The following ENC1 variants were observed in gnomAD, a reference collection of about 807,000 sequenced individuals.
The protein encoded by ENC1 is ectoderm-neural cortex protein 1.
Under a neutral mutation model 40.9 loss-of-function variants are expected in ENC1, and 19 were observed. That is an observed-to-expected ratio of 0.46 (90% CI 0.32 to 0.68). ENC1 has a LOEUF of 0.68. ENC1 is among the 30% of genes least tolerant of loss of function. The probability of loss-of-function intolerance (pLI) is 0.03; values close to 1 mark genes in which losing one functional copy is unlikely to be tolerated. For synonymous variants in ENC1, 285 were observed against 291.1 expected, an observed-to-expected ratio of 0.98 and a Z score of 0.21; for missense variants, 479 against 737.5, an observed-to-expected ratio of 0.65 and a Z score of 4.06.
chr5:74,636,635 A>T lies in ENC1; in HGVS notation c.-13-137T>A. Reference sequence around the variant, plus strand: ...GCCACCTACTATTCTAGAATAGTGTATGGCCATTCCAGGACAAAGCCAGAG... The same window carrying T: ...GCCACCTACTATTCTAGAATAGTGTTTGGCCATTCCAGGACAAAGCCAGAG... On this transcript the variant is annotated intron_variant, in intron 1 of 2. Transcript: ENST00000302351. The surrounding 1 kb of genome is among the most constrained non-coding windows in gnomAD (Gnocchi z 4.8). 1 of 600,686 alleles carries T rather than the reference A, an allele frequency of 1.7e-6. No individual in the cohort carries two copies. The highest frequency in any genetic ancestry group is 2.9e-6 in the Non-Finnish European group (1 of 343,228). 37.2% of individuals were successfully genotyped at this position (600,686 alleles called of 1,614,324 possible).
intron 2 of ENC1, among the ~76,000 whole-genome samples, chr5:74,631,165 A>T (rs965408958): frequency 3.8e-4 from 39 of 103,490 alleles, no homozygotes; most frequent in African/African-American, 4.5e-4. Flanking sequence ...GAACGATAAT[A>T]AAAAAAAAAA....
At position 74,627,517 on chromosome 5, in the gene ENC1, T is replaced by A. The variant is rs535701473; in HGVS notation, c.*2508A>T. ...AATGTAGTCATAGCAAACAAGTACA[T>A]ATGAACATGAACATTTTCCTTCAAC... On this transcript the variant is annotated 3_prime_UTR_variant, in exon 3 of 3. Coordinates refer to ENST00000302351, the MANE Select transcript of ENC1 (RefSeq NM_003633.4). 9.8e-5 allele frequency: 15 copies of A among 152,462 alleles called. No individual in the cohort carries two copies. Among genetic ancestry groups the A allele is most frequent in the Non-Finnish European group, 1.9e-4 (13 of 68,006 alleles). 9.4% of individuals were successfully genotyped at this position (152,462 alleles called of 1,614,324 possible). A position where few individuals can be genotyped will look rare whatever the true frequency, so the allele number is the denominator to read the frequency against.
At chr5:74,639,787 C>T (rs1357572109) in intron 1 of ENC1, among the ~76,000 whole-genome samples, 1 of 152,220 alleles carries the variant, frequency 6.6e-6, no homozygotes, top group East Asian at 1.9e-4. Context: ...CACGACAGAT[C>T]AAGAAACTAG....
intron 1 of ENC1, among the ~76,000 whole-genome samples, chr5:74,638,306 A>G (rs3776474): frequency 0.79 from 120,269 of 152,258 alleles, 47,693 homozygotes; most frequent in Middle Eastern, 0.87. Flanking sequence ...GAGCCCCACT[A>G]TAAGACTGCA....
At position 74,635,795 on chromosome 5, in the gene ENC1, C is replaced by G; in HGVS notation, c.691G>C (p.Glu231Gln). Residue 231 changes from glutamate to glutamine, a missense_variant, in exon 2 of 3, where the codon GAA becomes CAA. Coordinates refer to ENST00000302351, the MANE Select transcript of ENC1 (RefSeq NM_003633.4). The surrounding 1 kb of genome is among the most constrained non-coding windows in gnomAD (Gnocchi z 5.5). ...DLKKRYCYLP[E>Q]LLQTVRLALL... ...GCCAGCCTTACTGTCTGCAACAGTTCTGGGAGGTAGCAATAGCGCTTCTTC... is the reference window on the plus strand; with the variant it reads ...GCCAGCCTTACTGTCTGCAACAGTTGTGGGAGGTAGCAATAGCGCTTCTTC... The G allele has an allele frequency of 6.2e-7, 1 of 1,614,066 alleles. No homozygotes were observed. The highest frequency in any genetic ancestry group is 8.5e-7 in the Non-Finnish European group (1 of 1,179,990).
In ENC1 at chr5:74,635,274, C is replaced by T. The variant is rs758889299; in HGVS notation, c.1212G>A (p.Pro404=). 3.7e-5 allele frequency: 59 copies of T among 1,614,014 alleles called. No individual in the cohort carries two copies. Among genetic ancestry groups the T allele is most frequent in the South Asian group, 2.6e-4 (24 of 91,080 alleles). The stretch of plus-strand genomic sequence containing the variant: ...GCTTTAGAGAGACTGAGGGGGAGGC[C>T]GGGAGGCAGCCAGTTGCGGCCGTGT... ...GGHTAATGCL[P]ASPSVSLKQV... The change falls in exon 2 of 3, where the codon CCG becomes CCA. Residue 404 remains proline (P), a synonymous_variant. Coordinates refer to ENST00000302351, the MANE Select transcript of ENC1 (RefSeq NM_003633.4). This position sits in a 1 kb window ranked among gnomAD's most constrained non-coding sequence, Gnocchi z 5.5.
At position 74,636,056 on chromosome 5, in the gene ENC1, G is replaced by A. The variant is rs1747578631; in HGVS notation, c.430C>T (p.Leu144=). The change falls in exon 2 of 3, where the codon CTG becomes TTG. Residue 144 remains leucine (L), a synonymous_variant. Transcript: ENST00000302351. This position sits in a 1 kb window ranked among gnomAD's most constrained non-coding sequence, Gnocchi z 4.8. ...DACAEFLEKN[L]HPTNCLGMLL... Reference sequence around the variant, plus strand: ...ATGCCCAGGCAGTTGGTGGGATGCAGGTTCTTTTCCAGGAACTCTGCACAT... The same window carrying A: ...ATGCCCAGGCAGTTGGTGGGATGCAAGTTCTTTTCCAGGAACTCTGCACAT... The A allele has an allele frequency of 6.2e-7, 1 of 1,614,196 alleles. No homozygotes were observed. Among genetic ancestry groups the A allele is most frequent in the East Asian group, 2.2e-5 (1 of 44,882 alleles).
chr5:74,640,110 G>A (rs561651660), intron 1 of ENC1, 197 bp downstream of exon 1: 1 of 152,348 alleles, frequency 6.6e-6, no homozygotes, highest in Admixed American at 6.5e-5. Flanking sequence ...CTCCGGCGAT[G>A]CCCGGCTTCT....
chr5:74,636,261 G>A lies in ENC1; in HGVS notation c.225C>T (p.Phe75=), dbSNP rs201825413. 3.7e-6 allele frequency: 6 copies of A among 1,614,190 alleles called. No homozygotes were observed. The highest frequency in any genetic ancestry group is 5.1e-6 in the Non-Finnish European group (6 of 1,180,036). Residue 75 remains phenylalanine, a synonymous_variant, in exon 2 of 3, where the codon TTC becomes TTT. Transcript: ENST00000302351. The surrounding 1 kb of genome is among the most constrained non-coding windows in gnomAD (Gnocchi z 4.8). ...AACSRYFEAM[F]SGGLKESQDS... Reference sequence around the variant, plus strand: ...CCTGGCTCTCTTTCAGGCCACCACTGAACATGGCCTCAAAGTAGCGACTGC... The same window carrying A: ...CCTGGCTCTCTTTCAGGCCACCACTAAACATGGCCTCAAAGTAGCGACTGC...
rs2112028755 is a variant in ENC1 at position 74,635,227 on chromosome 5, G to A, written c.1259C>T (p.Thr420Ile). Residue 420 changes from threonine (T) to isoleucine (I), a missense_variant, in exon 2 of 3, where the codon ACA (threonine) becomes ATA (isoleucine). By Grantham distance (89) the Thr-to-Ile change is moderately conservative. Transcript: ENST00000302351. The surrounding 1 kb of genome is among the most constrained non-coding windows in gnomAD (Gnocchi z 5.5). ...SLKQVEHYDP[T>I]INKWTMVAPL... Reference sequence around the variant, plus strand: ...GGCCACCATGGTCCATTTGTTGATTGTGGGGTCATAATGTTCTACCTGCTT... The same window carrying A: ...GGCCACCATGGTCCATTTGTTGATTATGGGGTCATAATGTTCTACCTGCTT... The A allele has an allele frequency of 1.2e-6, 2 of 1,614,202 alleles. No individual in the cohort carries two copies. Among genetic ancestry groups the A allele is most frequent in the East Asian group, 4.5e-5 (2 of 44,874 alleles).
chr5:74,638,829 T>C (rs1309655724), intron 1 of ENC1, among the ~76,000 whole-genome samples: 1 of 152,198 alleles, frequency 6.6e-6, no homozygotes, highest in East Asian at 1.9e-4. Flanking sequence ...GAAGGAAGAA[T>C]GAGGCTCCCT....
Position 74,636,249 on chromosome 5 carries a change from C to T in ENC1, c.237G>A (p.Leu79=). The change falls in exon 2 of 3, where the codon CTG becomes CTA. Residue 79 remains leucine (L), a synonymous_variant. Transcript: ENST00000302351. This position sits in a 1 kb window ranked among gnomAD's most constrained non-coding sequence, Gnocchi z 4.8. ...RYFEAMFSGG[L]KESQDSEVNF... ...TGACCTCACTGTCCTGGCTCTCTTT[C>T]AGGCCACCACTGAACATGGCCTCAA... is the stretch of plus-strand genomic sequence containing the variant. 5.6e-6 allele frequency: 9 copies of T among 1,614,202 alleles called. No homozygotes were observed. Among genetic ancestry groups the T allele is most frequent in the Non-Finnish European group, 7.6e-6 (9 of 1,180,038 alleles).
rs442425 is a variant in ENC1, at chr5:74,635,421, T to C, written c.1065A>G (p.Ser355=). Residue 355 remains serine, a synonymous_variant, in exon 2 of 3, where the codon TCA becomes TCG. Coordinates refer to ENST00000302351, the MANE Select transcript of ENC1 (RefSeq NM_003633.4). This position sits in a 1 kb window ranked among gnomAD's most constrained non-coding sequence, Gnocchi z 5.5. The part of the protein sequence containing the change: ...TGGRGSENGV[S]KDVWVYDTLH... ...GGGTATCATAAACCCAGACATCTTT[T>C]GAGACCCCATTTTCAGACCCCCGCC... 1,236,561 of 1,613,926 alleles carry C rather than the reference T, an allele frequency of 0.77. 475,412 individuals are homozygous for C. Among genetic ancestry groups the C allele is most frequent in the African/African-American group, 0.85 (63,731 of 74,990 alleles).
chr5:74,634,653 G>A (rs1747508101), intron 2 of ENC1, 31 bp downstream of exon 2: 1 of 1,033,008 alleles, frequency 9.7e-7, no homozygotes, highest in South Asian at 1.5e-5. Context: ...CTAATTATAT[G>A]CATACTTACA....
At chr5:74,632,396 A>T (rs1309249884) in intron 2 of ENC1, 1 of 152,236 alleles carries the variant, frequency 6.6e-6, no homozygotes, top group Non-Finnish European at 1.5e-5. Flanking sequence ...AGGCTACAAA[A>T]AACCAGTTTG....
chr5:74,639,874 G>A (rs896431339), intron 1 of ENC1: 1 of 152,304 alleles, frequency 6.6e-6, no homozygotes, highest in Non-Finnish European at 1.5e-5. Flanking sequence ...CAGGGTGTCT[G>A]TGCATGGCCC....
intron 2 of ENC1, among the ~76,000 whole-genome samples, chr5:74,633,643 T>G (rs1747466452): frequency 6.6e-6 from 1 of 152,198 alleles, no homozygotes; most frequent in South Asian, 2.1e-4. Context: ...TACAAAGGGT[T>G]TGAGGAAGCA....
chr5:74,631,118 A>G (rs1747376601), intron 2 of ENC1, among the ~76,000 whole-genome samples: 1 of 151,972 alleles, frequency 6.6e-6, no homozygotes, highest in Non-Finnish European at 1.5e-5. Flanking sequence ...AAAGGAATAC[A>G]CACACCCTCC....
chr5:74,635,958 G>C lies in ENC1; in HGVS notation c.528C>G (p.Phe176Leu). Residue 176 changes from phenylalanine (F) to leucine (L), a missense_variant, in exon 2 of 3, where the codon TTC becomes TTG. Transcript: ENST00000302351. The surrounding 1 kb of genome is among the most constrained non-coding windows in gnomAD (Gnocchi z 5.5). The stretch of plus-strand genomic sequence containing the variant: ...AATCTTCATTCTTCCTGATGGTTTG[G>C]AAGTTGCTGAGACACATTCTCCAAG... ...ELSWRMCLSN[F>L]QTIRKNEDFL... is the part of the protein sequence containing the mutation. 6.2e-7 allele frequency: 1 copy of C among 1,614,126 alleles called. No homozygotes were observed. Among genetic ancestry groups the C allele is most frequent in the Non-Finnish European group, 8.5e-7 (1 of 1,180,020 alleles).
Sources: allele counts gnomAD v4.1 joint callset (sites outside exome capture counted in the v4.1 genomes callset), GRCh38; gene constraint gnomAD v4.1.1; non-coding constraint Gnocchi (gnomAD v3.1); transcripts MANE v1.5; gene names NCBI Gene and HGNC (gene_info 2026-07-23, HGNC 2026-07-21).